CHD8: variants seen among roughly 807,000 people sequenced by gnomAD.
CHD8 encodes the protein chromodomain helicase DNA binding protein 8.
CHD8 carries 31 observed loss-of-function variants against 279.2 expected under a neutral mutation model. The ratio of observed to expected loss-of-function variants is 0.11; its 90% CI spans 0.08 to 0.15. The LOEUF (loss-of-function observed/expected upper bound fraction) is 0.15, where lower values mean the gene tolerates loss of function less well. CHD8 is among the 10% of genes least tolerant of loss of function. The pLI is 1.00. For missense variants in CHD8, 2,146 were observed against 3,230.5 expected, an observed-to-expected ratio of 0.66 and a Z score of 8.14; for synonymous variants, 1,081 against 1,139.6, an observed-to-expected ratio of 0.95 and a Z score of 1.04.
chr14:21,441,826 T>C (rs1002533579), intron 1 of CHD8, among the ~76,000 whole-genome samples: 3 of 152,020 alleles, frequency 2.0e-5, no homozygotes, highest in African/African-American at 7.2e-5. Context: ...GAGGCGGAGC[T>C]TGCAGTGAGC....
At chr14:21,386,890 C>CT (rs976520967) in intron 37 of CHD8, among the ~76,000 whole-genome samples, 17 of 151,732 alleles carry the variant, frequency 1.1e-4, no homozygotes, top group Non-Finnish European at 2.1e-4. Context: ...TTCACTTGTT[C>CT]TTACTATGTG....
intron 5 of CHD8, among the ~76,000 whole-genome samples, chr14:21,418,082 A>C (rs1417285087): frequency 6.6e-6 from 1 of 151,980 alleles, no homozygotes; most frequent in Non-Finnish European, 1.5e-5. Context: ...CTGAAGAAAA[A>C]AATAAACTAC....
rs559491465 is a variant in CHD8 at position 21,415,965 on chromosome 14, A to T, written c.1717-58T>A. On this transcript the variant is annotated intron_variant, in intron 5 of 37. Coordinates refer to ENST00000646647, the MANE Select transcript of CHD8 (RefSeq NM_001170629.2). ...TAGGTCTCTCACAGAGAAGACTTTT[A>T]AAATTATTTGCTCATGGTCATATAC... is the stretch of plus-strand genomic sequence containing the variant. 2.4e-4 allele frequency: 342 copies of T among 1,430,176 alleles called. No homozygotes were observed. In the African/African-American group the frequency reaches 4.2e-3, roughly 17 times the overall value. 88.6% of individuals were successfully genotyped at this position (1,430,176 alleles called of 1,614,324 possible).
rs754992097 is a variant in CHD8, at chr14:21,385,754, T to C, written c.7605A>G (p.Gln2535=). The change falls in exon 38 of 38, where the codon CAA becomes CAG. Residue 2535 remains glutamine (Q), a synonymous_variant. Transcript: ENST00000646647. ...SGTTLRLPPL[Q]PEEDDDEDEE... is the part of the protein sequence containing the mutation. ...CATCCTCATCGTCATCCTCCTCAGG[T>C]TGCAGTGGTGGCAACCGCAAGGTAG... 9.7e-5 allele frequency: 150 copies of C among 1,551,066 alleles called. No individual in the cohort carries two copies. Among genetic ancestry groups the C allele is most frequent in the South Asian group, 1.7e-4 (14 of 84,022 alleles).
At chr14:21,420,963 C>T (rs1397422845) in intron 5 of CHD8, among the ~76,000 whole-genome samples, 4 of 152,042 alleles carry the variant, frequency 2.6e-5, no homozygotes, top group Admixed American at 6.6e-5. Flanking sequence ...GGTTTCTCCA[C>T]GTTGGTCAGG....
In CHD8 at chr14:21,399,146, A is replaced by C. The variant is rs533889505; in HGVS notation, c.4921+456T>G. Reference sequence around the variant, plus strand: ...CCCTGCAGGTGGTGCTTTGCCTCTGAGGTGACATTATTGAGCCTTCCCTCT... The same window carrying C: ...CCCTGCAGGTGGTGCTTTGCCTCTGCGGTGACATTATTGAGCCTTCCCTCT... On this transcript the variant is annotated intron_variant, in intron 26 of 37. Transcript: ENST00000646647. The C allele has an allele frequency of 1.7e-3, 480 of 286,498 alleles. 3 individuals are homozygous for C. The highest frequency in any genetic ancestry group is 2.9e-3 in the Non-Finnish European group (414 of 142,120). 17.7% of individuals were successfully genotyped at this position (286,498 alleles called of 1,614,324 possible).
intron 5 of CHD8, among the ~76,000 whole-genome samples, chr14:21,421,050 C>T (rs569171376): frequency 8.5e-5 from 13 of 152,126 alleles, no homozygotes; most frequent in Admixed American, 2.6e-4. Flanking sequence ...CATGAGCCAC[C>T]GCACCTGGCC....
Position 21,429,350 on chromosome 14 carries a change from G to T in CHD8, c.844-15C>A. 6.2e-7 allele frequency: 1 copy of T among 1,601,950 alleles called. No individual in the cohort carries two copies. ...TTCGATTCACCCTAAAGTGAAGAAA[G>T]GAAATTGCAAGAGTACAACATTAAA... On this transcript the variant is annotated splice_polypyrimidine_tract_variant and intron_variant, in intron 2 of 37. Coordinates refer to ENST00000646647, the MANE Select transcript of CHD8 (RefSeq NM_001170629.2).
Position 21,385,520 on chromosome 14 carries a change from A to C in CHD8, c.*93T>G. The C allele has an allele frequency of 7.0e-7, 1 of 1,427,654 alleles. No individual in the cohort carries two copies. The highest frequency in any genetic ancestry group is 9.1e-7 in the Non-Finnish European group (1 of 1,093,590). The allele number at this position is 1,427,654 out of a possible 1,614,324, so 88.4% of individuals were successfully genotyped here. A position where few individuals can be genotyped will look rare whatever the true frequency, so the allele number is the denominator to read the frequency against. ...CTCCTGGAGTCCTGGACTTCCCCAC[A>C]TCTCCCCTGCCCCTCCCACGTTTCC... On this transcript the variant is annotated 3_prime_UTR_variant, in exon 38 of 38. Transcript: ENST00000646647.
chr14:21,436,809 GA>G, intron 1 of CHD8: 2 of 443,508 alleles, frequency 4.5e-6, no homozygotes, highest in Non-Finnish European at 8.2e-6. Flanking sequence ...CTGCACTCAT[GA>G]AAAAAGGGAA....
In CHD8 at chr14:21,402,449, G is replaced by C. The variant is rs1231661786; in HGVS notation, c.3769C>G (p.Leu1257Val). ...CTCTCGTAGGAATTACGAGTGATGAGGCGGTACACCTTCACAGCTTTGCTC... is the reference window on the plus strand; with the variant it reads ...CTCTCGTAGGAATTACGAGTGATGACGCGGTACACCTTCACAGCTTTGCTC... ...GQSKAVKVYR[L>V]ITRNSYEREM... Residue 1257 changes from leucine (L) to valine (V), a missense_variant, in exon 19 of 38, where the codon CTC (leucine) becomes GTC (valine). Coordinates refer to ENST00000646647, the MANE Select transcript of CHD8 (RefSeq NM_001170629.2). This position sits in a 1 kb window ranked among gnomAD's most constrained non-coding sequence, Gnocchi z 4.5. 6.2e-7 allele frequency: 1 copy of C among 1,614,168 alleles called. No homozygotes were observed. Among genetic ancestry groups the C allele is most frequent in the Non-Finnish European group, 8.5e-7 (1 of 1,180,010 alleles).
chr14:21,445,320 C>T (rs1468079656), intron 1 of CHD8, among the ~76,000 whole-genome samples: 1 of 152,114 alleles, frequency 6.6e-6, no homozygotes, highest in Non-Finnish European at 1.5e-5. Flanking sequence ...ACCTGTAATC[C>T]CAGCACTTTG....
intron 1 of CHD8, among the ~76,000 whole-genome samples, chr14:21,441,277 C>G (rs1416608151): frequency 6.6e-6 from 1 of 152,190 alleles, no homozygotes; most frequent in Non-Finnish European, 1.5e-5. Flanking sequence ...ACACCATTCT[C>G]TAAACCAGGT....
chr14:21,407,439 A>G (rs977857776), intron 13 of CHD8, among the ~76,000 whole-genome samples: 1 of 152,202 alleles, frequency 6.6e-6, no homozygotes, highest in African/African-American at 2.4e-5. Context: ...AAAATTGACA[A>G]AAGAATGAAA....
chr14:21,415,879 C>T lies in CHD8; in HGVS notation c.1745G>A (p.Arg582Gln), dbSNP rs745773943. ...ATCCAGGTCCTCTGTATATTTTTTT[C>T]GCTTAACTTGGCGGTTTGAGCGTCT... ...QKRRSNRQVKRKKYTEDLDIK... is the reference protein window; with the variant it reads ...QKRRSNRQVKQKKYTEDLDIK... The change falls in exon 6 of 38, where the codon CGA (arginine) becomes CAA (glutamine). Residue 582 changes from arginine to glutamine, a missense_variant. Around this residue, in one of 26 missense-constraint regions of CHD8, gnomAD observed 123 missense variants for 169.2 expected, o/e 0.73. Coordinates refer to ENST00000646647, the MANE Select transcript of CHD8 (RefSeq NM_001170629.2). 3.1e-6 allele frequency: 5 copies of T among 1,613,252 alleles called. No individual in the cohort carries two copies. Among genetic ancestry groups the T allele is most frequent in the South Asian group, 1.1e-5 (1 of 90,990 alleles).
chr14:21,438,539 A>G (rs1889875972), intron 1 of CHD8, among the ~76,000 whole-genome samples: 2 of 151,246 alleles, frequency 1.3e-5, no homozygotes, highest in South Asian at 2.1e-4. Flanking sequence ...AAAGAAAGAA[A>G]GAAAAAAGAA....
At chr14:21,450,526 G>A (rs1023562731) in intron 1 of CHD8, among the ~76,000 whole-genome samples, 1 of 151,868 alleles carries the variant, frequency 6.6e-6, no homozygotes, top group African/African-American at 2.4e-5. Flanking sequence ...GATATGGGCC[G>A]GCCTGTAACC....
chr14:21,426,161 C>T lies in CHD8; in HGVS notation c.1683G>A (p.Gln561=). Residue 561 remains glutamine, a synonymous_variant, in exon 5 of 38, where the codon CAG becomes CAA. Transcript: ENST00000646647. ...TGCTTTCTTCATCTTCTCGAGGTGA[C>T]TGTGCAGGCATGACTTCCACATCTG... ...DNSDVEVMPA[Q]SPREDEESSI... The T allele has an allele frequency of 6.2e-7, 1 of 1,610,890 alleles. No homozygotes were observed. The highest frequency in any genetic ancestry group is 8.5e-7 in the Non-Finnish European group (1 of 1,177,308).
intron 32 of CHD8, 57 bp from the exon 33 acceptor site, chr14:21,393,311 T>C: frequency 6.2e-7 from 1 of 1,600,286 alleles, no homozygotes; most frequent in South Asian, 1.1e-5. Flanking sequence ...TGTCATATGG[T>C]AATGGTATTA....
Sources: gnomAD v4.1 joint callset for allele counts (sites outside exome capture counted in the v4.1 genomes callset) on GRCh38, gnomAD v4.1.1 for gene constraint, gnomAD v4.1.1 regional missense constraint, Gnocchi (gnomAD v3.1) non-coding constraint, MANE v1.5 for transcripts, NCBI Gene and HGNC (gene_info 2026-07-23, HGNC 2026-07-21) for gene names.